Variants in OCRL observed in about 807,000 individuals in gnomAD.
OCRL encodes OCRL inositol polyphosphate-5-phosphatase.
OCRL carries 8 observed loss-of-function variants against 78.9 expected under a neutral mutation model. The observed-to-expected ratio is 0.10, with a 90% CI of 0.06 to 0.18. The LOEUF (loss-of-function observed/expected upper bound fraction) is 0.18, where lower values mean the gene tolerates loss of function less well. OCRL is among the 10% of genes least tolerant of loss of function. OCRL has a pLI of 1.00. For missense variants in OCRL, 454 were observed against 696.7 expected (o/e 0.65, Z 3.92); for synonymous variants, 240 against 235.4 (o/e 1.02, Z -0.18).
intron 2 of OCRL, among the ~76,000 whole-genome samples, chrX:129,543,969 A>G (rs1935843571): frequency 1.8e-5 from 2 of 111,344 alleles, no homozygotes; most frequent in Non-Finnish European, 3.8e-5. Flanking sequence ...ATATAACCAT[A>G]ATGGAGTGTG....
At chrX:129,572,419 C>T (rs568048801) in intron 15 of OCRL, among the ~76,000 whole-genome samples, 1 of 112,969 alleles carries the variant, frequency 8.9e-6, no homozygotes, top group Admixed American at 9.3e-5. Flanking sequence ...CCCCCCTCCT[C>T]ATTATCTTTG....
chrX:129,554,681 C>T (rs865915509), intron 4 of OCRL, among the ~76,000 whole-genome samples: 1 of 111,743 alleles, frequency 8.9e-6, no homozygotes. Flanking sequence ...AGGCCAGGCC[C>T]GGTGGCTTAC....
intron 16 of OCRL, 104 bp from the exon 17 acceptor site, chrX:129,575,793 C>A (rs960963819): frequency 3.1e-6 from 3 of 969,821 alleles, no homozygotes; most frequent in African/African-American, 3.8e-5. Flanking sequence ...CATTTGCACA[C>A]CTGCTTAACA....
intron 2 of OCRL, among the ~76,000 whole-genome samples, chrX:129,543,202 T>A (rs1935834498): frequency 8.9e-6 from 1 of 112,403 alleles, no homozygotes; most frequent in African/African-American, 3.2e-5. Flanking sequence ...AATGAATAAT[T>A]ACACTCAGAA....
chrX:129,580,892 G>C (rs188949536), intron 18 of OCRL, among the ~76,000 whole-genome samples: 1 of 111,829 alleles, frequency 8.9e-6, no homozygotes, highest in East Asian at 2.8e-4. Context: ...TTGAGATGGA[G>C]TCTTACCCTG....
intron 19 of OCRL, among the ~76,000 whole-genome samples, chrX:129,586,378 G>A (rs1319139486): frequency 1.2e-4 from 13 of 111,968 alleles, no homozygotes; most frequent in African/African-American, 4.2e-4. Flanking sequence ...GCTGTATTCA[G>A]TTTACTATTT....
At chrX:129,561,336 G>A in intron 10 of OCRL, 43 bp downstream of exon 10, 1 of 782,609 alleles carries the variant, frequency 1.3e-6, no homozygotes, top group Non-Finnish European at 2.0e-6. Flanking sequence ...TGACTAAATA[G>A]GGCTCACCGG....
At chrX:129,590,034 A>G in intron 23 of OCRL, 78 bp downstream of exon 23, 1 of 1,133,709 alleles carries the variant, frequency 8.8e-7, no homozygotes, top group Non-Finnish European at 1.2e-6. Context: ...ACCTTACTGC[A>G]TATGCAGGCA....
intron 12 of OCRL, among the ~76,000 whole-genome samples, chrX:129,564,352 C>T (rs1936185523): frequency 9.1e-6 from 1 of 109,632 alleles, no homozygotes; most frequent in Non-Finnish European, 1.9e-5. Flanking sequence ...ACCATTTGAC[C>T]CAGCCATCCC....
At chrX:129,583,608 G>C (rs1602812574) in intron 18 of OCRL, among the ~76,000 whole-genome samples, 1 of 111,971 alleles carries the variant, frequency 8.9e-6, no homozygotes, top group East Asian at 2.8e-4. Context: ...TGCTCCCTAA[G>C]TGGTGGTGGT....
At chrX:129,564,680 A>T (rs1480353133) in intron 12 of OCRL, among the ~76,000 whole-genome samples, 4 of 107,144 alleles carry the variant, frequency 3.7e-5, no homozygotes, top group Non-Finnish European at 5.8e-5. Flanking sequence ...ATGAGAACAC[A>T]TGGACACAGG....
At position 129,579,536 on chromosome X, in the gene OCRL, C is replaced by T. The variant is rs780317276; in HGVS notation, c.2115+2984C>T. ...AAAGATCCTTATGCCACACCATCTT[C>T]CCACCAAATGCAGAATGAAATAACT... On this transcript the variant is annotated intron_variant, in intron 18 of 23. Transcript: ENST00000371113. Among the ~76,000 whole-genome samples, 38 of 111,963 alleles carry T rather than the reference C, an allele frequency of 3.4e-4. No homozygotes were observed. In the Middle Eastern group the frequency reaches 0.014, roughly 41 times the overall value.
At chrX:129,568,441 T>C (rs1936252427) in intron 14 of OCRL, among the ~76,000 whole-genome samples, 1 of 111,864 alleles carries the variant, frequency 8.9e-6, no homozygotes, top group Admixed American at 9.5e-5. Context: ...AGTACTGGCA[T>C]GGGTGGGGAG....
chrX:129,590,004 G>C, intron 23 of OCRL, 48 bp downstream of exon 23: 1 of 1,128,675 alleles, frequency 8.9e-7, no homozygotes, highest in African/African-American at 1.8e-5. Context: ...AATACTCTTA[G>C]TGCATTGTAT....
intron 18 of OCRL, among the ~76,000 whole-genome samples, chrX:129,578,558 TGCCATTAATATGAAAAACTGCAAA>T (rs1936401682): frequency 9.1e-6 from 1 of 110,474 alleles, no homozygotes; most frequent in Non-Finnish European, 1.9e-5. Context: ...AGAATATCTT[TGCCATTAATATGAAAAACTGCAAA>T]GCCATTAATA....
intron 4 of OCRL, among the ~76,000 whole-genome samples, chrX:129,550,488 TG>T (rs1220180282): frequency 1.1e-4 from 12 of 112,042 alleles, no homozygotes; most frequent in Middle Eastern, 4.7e-3. Context: ...ATGATATATC[TG>T]TTTTTTTCAG....
At chrX:129,589,763 T>A (rs1024011108) in intron 22 of OCRL, 82 bp from the exon 23 acceptor site, 5 of 654,771 alleles carry the variant, frequency 7.6e-6, no homozygotes, top group Non-Finnish European at 1.3e-5. Context: ...GATTATAGAC[T>A]ACTATTACAG....
intron 2 of OCRL, 71 bp downstream of exon 2, chrX:129,540,894 T>G (rs1935789370): frequency 2.3e-6 from 2 of 880,993 alleles, no homozygotes; most frequent in Non-Finnish European, 3.4e-6. Flanking sequence ...CCGCGACGGG[T>G]CACCCACTGT....
chrX:129,556,320 G>T (rs962022623), intron 4 of OCRL, among the ~76,000 whole-genome samples: 1 of 111,125 alleles, frequency 9.0e-6, no homozygotes, highest in African/African-American at 3.3e-5. Flanking sequence ...TATTTGCCTG[G>T]GACTTTCCCA....
Sources: allele counts gnomAD v4.1 joint callset (sites outside exome capture counted in the v4.1 genomes callset), GRCh38; gene constraint gnomAD v4.1.1; transcripts MANE v1.5; gene names NCBI Gene and HGNC (gene_info 2026-07-23, HGNC 2026-07-21).